The following MAP4K1 variants were observed in gnomAD, a reference collection of about 807,000 sequenced individuals.
MAP4K1 encodes the protein mitogen-activated protein kinase kinase kinase kinase 1.
MAP4K1 carries 35 observed loss-of-function variants against 122.8 expected under a neutral mutation model. That is an observed-to-expected ratio of 0.29 (90% confidence interval 0.22 to 0.38). The LOEUF (loss-of-function observed/expected upper bound fraction) is 0.38. Ranked by LOEUF, MAP4K1 falls within the 10% of genes least tolerant of loss-of-function variation. The pLI is 1.00. For synonymous variants in MAP4K1, 412 were observed against 421.3 expected, an observed-to-expected ratio of 0.98 and a Z score of 0.27; for missense variants, 791 against 1,072.6, an observed-to-expected ratio of 0.74 and a Z score of 3.67.
chr19:38,607,829 G>A (rs749825841), intron 16 of MAP4K1, 35 bp downstream of exon 16: 2 of 1,606,072 alleles, frequency 1.2e-6, no homozygotes, highest in South Asian at 2.2e-5. Context: ...GGGCTGAGGT[G>A]GGGCCTGTGG....
chr19:38,602,651 T>C (rs1267367686), intron 19 of MAP4K1, among the ~76,000 whole-genome samples: 1 of 135,500 alleles, frequency 7.4e-6, no homozygotes, highest in Admixed American at 8.0e-5. Context: ...TATACATATA[T>C]ACATATATAC....
In MAP4K1 at chr19:38,595,749, T is replaced by C; in HGVS notation, c.2180-20A>G. Reference sequence around the variant, plus strand: ...CAGAGCCTGGAAGGAGATAGACGGTTTTAAGAACTGTGAGCAAGGCTTAGA... The same window carrying C: ...CAGAGCCTGGAAGGAGATAGACGGTCTTAAGAACTGTGAGCAAGGCTTAGA... On this transcript the variant is annotated intron_variant, in intron 27 of 30. Coordinates refer to ENST00000396857, the MANE Select transcript of MAP4K1 (RefSeq NM_001042600.3). 1 of 1,576,816 alleles carries C rather than the reference T, an allele frequency of 6.3e-7. No individual in the cohort carries two copies. Among genetic ancestry groups the C allele is most frequent in the Non-Finnish European group, 8.6e-7 (1 of 1,157,560 alleles).
intron 18 of MAP4K1, 34 bp downstream of exon 18, chr19:38,605,534 C>G: frequency 6.8e-7 from 1 of 1,460,126 alleles, no homozygotes; most frequent in Non-Finnish European, 9.2e-7. Flanking sequence ...GAACCCCCAA[C>G]CCTCCCGCCC....
intron 17 of MAP4K1, 121 bp from the exon 18 acceptor site, chr19:38,605,851 C>A: frequency 1.0e-6 from 1 of 955,568 alleles, no homozygotes; most frequent in South Asian, 1.6e-5. Context: ...CCCACCCCCC[C>A]GACAACATCT....
At chr19:38,591,422 T>C (rs564021429) in intron 30 of MAP4K1, among the ~76,000 whole-genome samples, 1 of 148,252 alleles carries the variant, frequency 6.7e-6, no homozygotes, top group South Asian at 2.1e-4. Flanking sequence ...TCCCAGCTAC[T>C]CAGGAGGTTG....
intron 30 of MAP4K1, among the ~76,000 whole-genome samples, chr19:38,588,916 C>T (rs1181407746): frequency 6.6e-6 from 1 of 150,992 alleles, no homozygotes; most frequent in African/African-American, 2.4e-5. Context: ...GAGACTCCAT[C>T]TCATAAATAA....
At chr19:38,604,661 G>T (rs1310072515) in intron 19 of MAP4K1, among the ~76,000 whole-genome samples, 1 of 151,664 alleles carries the variant, frequency 6.6e-6, no homozygotes, top group Non-Finnish European at 1.5e-5. Context: ...CTGGTGGCGG[G>T]CACCTGTAGT....
intron 29 of MAP4K1, among the ~76,000 whole-genome samples, chr19:38,594,783 A>G (rs2145934283): frequency 6.6e-6 from 1 of 151,882 alleles, no homozygotes; most frequent in African/African-American, 2.4e-5. Context: ...TACTAAAAAT[A>G]CAAAAAAATT....
chr19:38,609,783 C>A, intron 12 of MAP4K1, 109 bp from the exon 13 acceptor site: 2 of 1,306,740 alleles, frequency 1.5e-6, no homozygotes, highest in South Asian at 2.6e-5. Context: ...CAGCCTTTTA[C>A]CAAGCTCCCC....
intron 29 of MAP4K1, among the ~76,000 whole-genome samples, chr19:38,593,584 T>G (rs1300766096): frequency 6.6e-6 from 1 of 152,218 alleles, no homozygotes; most frequent in East Asian, 1.9e-4. Flanking sequence ...GCGCCTATAG[T>G]CCCAGCTACT....
At position 38,596,441 on chromosome 19, in the gene MAP4K1, G is replaced by A; in HGVS notation, c.1987C>T (p.Leu663=). ...GGCAGCTCAGAGCCTGGCCCGGTCA[G>A]CAGCGCGAACACGGACAGAGGCGTC... is the stretch of plus-strand genomic sequence containing the variant. The part of the protein sequence containing the change: ...LPTPLSVFAL[L]TGPGSELPAV... Residue 663 remains leucine (L), a synonymous_variant, in exon 26 of 31, where the codon CTG becomes TTG. Transcript: ENST00000396857. The A allele has an allele frequency of 6.3e-7, 1 of 1,589,292 alleles. No homozygotes were observed. Among genetic ancestry groups the A allele is most frequent in the Non-Finnish European group, 8.5e-7 (1 of 1,172,532 alleles).
rs77378742 is a variant in MAP4K1, at chr19:38,616,463, T to C, written c.249-204A>G. 8.6e-3 allele frequency among the ~76,000 whole-genome samples: 1,313 copies of C among 152,190 alleles called. 25 individuals are homozygous for C. Among genetic ancestry groups the C allele is most frequent in the African/African-American group, 0.03 (1,241 of 41,518 alleles). On this transcript the variant is annotated intron_variant, in intron 3 of 30. Coordinates refer to ENST00000396857, the MANE Select transcript of MAP4K1 (RefSeq NM_001042600.3). ...AGGAAGTTAAGGCTCAGAGAGGAAA[T>C]GTGAGTTCCGGGGCAAGTCAACTCA... is the stretch of plus-strand genomic sequence containing the variant.
chr19:38,593,765 C>T (rs1353399785), intron 29 of MAP4K1, among the ~76,000 whole-genome samples: 1 of 152,178 alleles, frequency 6.6e-6, no homozygotes, highest in African/African-American at 2.4e-5. Context: ...CCTGTAGTCC[C>T]AGCTACTTGT....
Position 38,605,603 on chromosome 19 carries a change from G to C in MAP4K1, c.1328C>G (p.Pro443Arg). The C allele has an allele frequency of 6.4e-7, 1 of 1,559,004 alleles. No individual in the cohort carries two copies. The highest frequency in any genetic ancestry group is 8.7e-7 in the Non-Finnish European group (1 of 1,153,710). ...PPNSPRPGPPPSTSSPHLTAH... is the reference protein window; with the variant it reads ...PPNSPRPGPPRSTSSPHLTAH... ...GGTGAGGTGGGGGCTGCTGGTGGAT[G>C]GGGGAGGCCCAGGACGGGGGCTGTT... Residue 443 changes from proline to arginine, a missense_variant, in exon 18 of 31, where the codon CCA becomes CGA. This residue lies in a region of MAP4K1 where 303 missense variants were observed against 344.8 expected (regional missense o/e 0.88). Coordinates refer to ENST00000396857, the MANE Select transcript of MAP4K1 (RefSeq NM_001042600.3).
intron 16 of MAP4K1, among the ~76,000 whole-genome samples, chr19:38,607,051 C>T (rs1302518412): frequency 6.6e-6 from 1 of 152,012 alleles, no homozygotes; most frequent in Non-Finnish European, 1.5e-5. Context: ...AAGCTGAGGG[C>T]TGGGGCTGAA....
intron 14 of MAP4K1, 26 bp from the exon 15 acceptor site, chr19:38,608,059 G>A: frequency 6.3e-7 from 1 of 1,579,710 alleles, no homozygotes; most frequent in South Asian, 1.2e-5. Context: ...AGGGTCAGCA[G>A]TGGCCTCAGG....
intron 19 of MAP4K1, among the ~76,000 whole-genome samples, chr19:38,602,672 A>G (rs1015785427): frequency 1.3e-5 from 2 of 149,536 alleles, no homozygotes; most frequent in African/African-American, 2.4e-5. Context: ...ACATGTACAT[A>G]TATACGCATA....
At chr19:38,593,153 G>A (rs1974776246) in intron 30 of MAP4K1, 129 bp downstream of exon 30, 1 of 768,460 alleles carries the variant, frequency 1.3e-6, no homozygotes, top group Non-Finnish European at 2.0e-6. Flanking sequence ...TAGGGAGCAG[G>A]GATGGAAGCA....
rs969257057 is a variant in MAP4K1 at position 38,617,266 on chromosome 19, A to G, written c.248+88T>C. ...CTCAAAAAAGAAAAAGAAAAGAAAA[A>G]AAAAGAACTGAGGGTACCCCCATCA... On this transcript the variant is annotated intron_variant, in intron 3 of 30. Coordinates refer to ENST00000396857, the MANE Select transcript of MAP4K1 (RefSeq NM_001042600.3). This position sits in a 1 kb window ranked among gnomAD's most constrained non-coding sequence, Gnocchi z 4.1. The G allele has an allele frequency of 5.1e-5, 45 of 890,326 alleles. No individual in the cohort carries two copies. The highest frequency in any genetic ancestry group is 7.1e-5 in the Non-Finnish European group (38 of 538,394). 55.2% of individuals were successfully genotyped at this position (890,326 alleles called of 1,614,324 possible). A position where few individuals can be genotyped will look rare whatever the true frequency, so the allele number is the denominator to read the frequency against.
Sources: allele counts gnomAD v4.1 joint callset (sites outside exome capture counted in the v4.1 genomes callset), GRCh38; gene constraint gnomAD v4.1.1; regional missense constraint gnomAD v4.1.1; non-coding constraint Gnocchi (gnomAD v3.1); transcripts MANE v1.5; gene names NCBI Gene and HGNC (gene_info 2026-07-23, HGNC 2026-07-21).